Variants in PTPRM observed in about 807,000 individuals in gnomAD.
PTPRM encodes receptor-type tyrosine-protein phosphatase mu.
PTPRM carries 47 observed loss-of-function variants against 186.7 expected under a neutral mutation model. That is an observed-to-expected ratio of 0.25 (90% CI 0.20 to 0.32). The LOEUF is 0.32. Among genes scored for constraint, PTPRM ranks in the 10% least tolerant of loss-of-function variants. The pLI, the probability that PTPRM is intolerant of heterozygous loss-of-function variation, is 1.00. For synonymous variants in PTPRM, 668 were observed against 674.9 expected, an observed-to-expected ratio of 0.99 and a Z score of 0.16; for missense variants, 1,494 against 1,865.0, an observed-to-expected ratio of 0.80 and a Z score of 3.66.
chr18:7,954,381 G>A (rs1259903400), intron 6 of PTPRM, among the ~76,000 whole-genome samples: 1 of 152,120 alleles, frequency 6.6e-6, no homozygotes, highest in Non-Finnish European at 1.5e-5. Flanking sequence ...CAGCAGTGGT[G>A]GACTTCATTA....
rs572353604 is a variant in PTPRM, at chr18:7,643,490, C to G, written c.73+75599C>G. On this transcript the variant is annotated intron_variant, in intron 1 of 32. Transcript: ENST00000580170. The stretch of plus-strand genomic sequence containing the variant: ...GAGTAGCTGGGACTACAGGTGCCAG[C>G]CACCATGCCTGGCTAATTTTTTTGT... Among the ~76,000 whole-genome samples, 3 of 152,202 alleles carry G rather than the reference C, an allele frequency of 2.0e-5. No homozygotes were observed. The South Asian group carries it at 6.2e-4, about 32-fold the overall frequency.
chr18:8,032,825 C>T (rs532487498), intron 7 of PTPRM, among the ~76,000 whole-genome samples: 1 of 152,046 alleles, frequency 6.6e-6, no homozygotes, highest in East Asian at 1.9e-4. Context: ...TGGTTTGGGG[C>T]AGCAGAGTTA....
chr18:7,619,000 C>T, intron 1 of PTPRM, among the ~76,000 whole-genome samples: 1 of 151,826 alleles, frequency 6.6e-6, no homozygotes, highest in African/African-American at 2.4e-5. Context: ...TGAAACAGTC[C>T]CCGGGCTCTC....
At chr18:8,018,873 A>G (rs1298674089) in intron 7 of PTPRM, among the ~76,000 whole-genome samples, 3 of 152,086 alleles carry the variant, frequency 2.0e-5, no homozygotes, top group African/African-American at 7.2e-5. Flanking sequence ...AGATTTAGTG[A>G]CTAGGGCCCT....
At chr18:8,033,537 A>G (rs1191468209) in intron 7 of PTPRM, among the ~76,000 whole-genome samples, 1 of 152,226 alleles carries the variant, frequency 6.6e-6, no homozygotes, top group Non-Finnish European at 1.5e-5. Flanking sequence ...ACAAACCTGC[A>G]CAGCATGTGA....
chr18:8,236,350 G>T (rs2094345728), intron 14 of PTPRM, among the ~76,000 whole-genome samples: 1 of 152,026 alleles, frequency 6.6e-6, no homozygotes, highest in South Asian at 2.1e-4. Context: ...AATTGTTTTT[G>T]CTCTAAAGTC....
intron 1 of PTPRM, among the ~76,000 whole-genome samples, chr18:7,677,550 A>G (rs8099410): frequency 0.16 from 24,978 of 152,150 alleles, 2,143 homozygotes; most frequent in South Asian, 0.3. Context: ...TGAATGTCAT[A>G]CTGATTGCAC....
intron 19 of PTPRM, among the ~76,000 whole-genome samples, chr18:8,294,982 A>C (rs1159966721): frequency 6.6e-6 from 1 of 152,210 alleles, no homozygotes; most frequent in Non-Finnish European, 1.5e-5. Context: ...GTCCATATCC[A>C]CCAGGCCACA....
At chr18:8,140,856 C>G (rs1444503526) in intron 13 of PTPRM, among the ~76,000 whole-genome samples, 1 of 152,032 alleles carries the variant, frequency 6.6e-6, no homozygotes, top group Admixed American at 6.6e-5. Context: ...CATGAGAAAC[C>G]TGGCAAGAAA....
At chr18:8,368,216 G>A (rs1210402587) in intron 23 of PTPRM, among the ~76,000 whole-genome samples, 1 of 150,982 alleles carries the variant, frequency 6.6e-6, no homozygotes, top group Non-Finnish European at 1.5e-5. Flanking sequence ...AAGCATCTTT[G>A]CTAACTGGCA....
At chr18:8,360,339 G>T (rs1261070363) in intron 23 of PTPRM, among the ~76,000 whole-genome samples, 5 of 152,110 alleles carry the variant, frequency 3.3e-5, no homozygotes, top group African/African-American at 9.7e-5. Context: ...GTAGGACCAG[G>T]TTTCTAGCAG....
intron 7 of PTPRM, among the ~76,000 whole-genome samples, chr18:8,063,012 T>C (rs1253413817): frequency 5.3e-5 from 8 of 150,826 alleles, no homozygotes; most frequent in African/African-American, 9.9e-5. Flanking sequence ...GGCTGCTTTG[T>C]TTACCTAATC....
At chr18:7,903,512 C>T (rs895534733) in intron 3 of PTPRM, among the ~76,000 whole-genome samples, 2 of 152,168 alleles carry the variant, frequency 1.3e-5, no homozygotes, top group African/African-American at 4.8e-5. Flanking sequence ...TTTACTTGCT[C>T]TCAATATTCA....
intron 14 of PTPRM, among the ~76,000 whole-genome samples, chr18:8,216,881 G>A (rs1031634501): frequency 2.6e-5 from 4 of 152,248 alleles, no homozygotes; most frequent in Non-Finnish European, 4.4e-5. Context: ...ATTCTTGAGA[G>A]AGTGCAAGGT....
chr18:7,687,776 A>C (rs2039636896), intron 1 of PTPRM, among the ~76,000 whole-genome samples: 1 of 148,004 alleles, frequency 6.8e-6, no homozygotes, highest in Admixed American at 6.7e-5. Flanking sequence ...AGGAGCTATA[A>C]GATTTTTTTT....
At chr18:8,010,840 A>G (rs2084485793) in intron 7 of PTPRM, among the ~76,000 whole-genome samples, 1 of 152,234 alleles carries the variant, frequency 6.6e-6, no homozygotes, top group Non-Finnish European at 1.5e-5. Flanking sequence ...AGTGGCTTAT[A>G]GAGATACAAA....
At chr18:7,894,633 A>G (rs930656275) in intron 3 of PTPRM, among the ~76,000 whole-genome samples, 4 of 151,650 alleles carry the variant, frequency 2.6e-5, no homozygotes, top group Non-Finnish European at 5.9e-5. Flanking sequence ...TTTTTCCAGT[A>G]TTATGTGTGC....
chr18:8,292,422 G>A (rs2095052306), intron 19 of PTPRM, among the ~76,000 whole-genome samples: 2 of 152,180 alleles, frequency 1.3e-5, no homozygotes, highest in Non-Finnish European at 2.9e-5. Flanking sequence ...TTCTAAGCCA[G>A]GGATAAAGAC....
At chr18:7,777,336 A>T (rs1160253106) in intron 2 of PTPRM, among the ~76,000 whole-genome samples, 1 of 149,448 alleles carries the variant, frequency 6.7e-6, no homozygotes, top group Non-Finnish European at 1.5e-5. Flanking sequence ...TTTAATAGTT[A>T]AAAAAAAAGC....
Sources: gnomAD v4.1 joint callset for allele counts (sites outside exome capture counted in the v4.1 genomes callset) on GRCh38, gnomAD v4.1.1 for gene constraint, MANE v1.5 for transcripts, NCBI Gene and HGNC (gene_info 2026-07-23, HGNC 2026-07-21) for gene names.